Variants in DNAH14 observed in about 807,000 individuals in gnomAD.
The protein encoded by DNAH14 is dynein axonemal heavy chain 14.
Under a neutral mutation model 520.9 loss-of-function variants are expected in DNAH14, and 478 were observed. The ratio of observed to expected loss-of-function variants is 0.92; its 90% CI spans 0.85 to 0.99. The LOEUF (loss-of-function observed/expected upper bound fraction) is 0.99, where lower values mean the gene tolerates loss of function less well. DNAH14 is among the 50% of genes least tolerant of loss of function. The pLI is 0.00. For synonymous variants in DNAH14, 1,581 were observed against 1,757.2 expected, an observed-to-expected ratio of 0.90 and a Z score of 2.51; for missense variants, 4,831 against 5,234.5, an observed-to-expected ratio of 0.92 and a Z score of 2.38.
intron 61 of DNAH14, 86 bp downstream of exon 61, chr1:225,318,763 C>A: frequency 8.1e-7 from 1 of 1,241,700 alleles, no homozygotes; most frequent in Non-Finnish European, 1.1e-6. Context: ...CCATTTTTAG[C>A]CTATATACTA....
rs183952944 is a variant in DNAH14, at chr1:225,007,492, T to C, written c.1055T>C (p.Leu352Pro). 270 of 1,540,734 alleles carry C rather than the reference T, an allele frequency of 1.8e-4. 4 individuals carry two copies. The East Asian group carries it at 6.6e-3, about 38-fold the overall frequency. The change falls in exon 10 of 86, where the codon CTT becomes CCT. Residue 352 changes from leucine (L) to proline (P), a missense_variant. By Grantham distance (98) the Leu-to-Pro change is moderately conservative (BLOSUM62 -3). Coordinates refer to ENST00000682510, the MANE Select transcript of DNAH14 (RefSeq NM_001367479.1). The part of the protein sequence containing the change: ...LQQATQALKQ[L>P]EDIRNKAISE... ...CAAGCTACCCAGGCATTGAAACAAC[T>C]TGAGGACATCAGGAATAAAGCAATT...
intron 1 of DNAH14, among the ~76,000 whole-genome samples, chr1:224,946,082 C>T (rs1024961376): frequency 6.6e-6 from 1 of 152,188 alleles, no homozygotes; most frequent in African/African-American, 2.4e-5. Context: ...GCCCTGCCCC[C>T]AGAGGTGGAG....
At position 225,023,766 on chromosome 1, in the gene DNAH14, G is replaced by C. The variant is rs889773123; in HGVS notation, c.1259G>C (p.Arg420Pro). 6.4e-7 allele frequency: 1 copy of C among 1,550,660 alleles called. No individual in the cohort carries two copies. Among genetic ancestry groups the C allele is most frequent in the Non-Finnish European group, 8.7e-7 (1 of 1,146,466 alleles). Residue 420 changes from arginine (R) to proline (P), a missense_variant, in exon 11 of 86, where the codon CGT becomes CCT. By Grantham distance (103) the Arg-to-Pro change is moderately radical (BLOSUM62 -2). Transcript: ENST00000682510. ...GACTACATATTTCAGGAACTCATTC[G>C]TCAACTTATGAACACTGCAGTCACA... ...LVDYIFQELIRQLMNTAVTLL... is the reference protein window; with the variant it reads ...LVDYIFQELIPQLMNTAVTLL...
chr1:225,146,339 C>T (rs770466879), intron 30 of DNAH14, among the ~76,000 whole-genome samples: 2 of 152,206 alleles, frequency 1.3e-5, no homozygotes, highest in African/African-American at 2.4e-5. Flanking sequence ...TTACTCATTC[C>T]GATTCCCACT....
At position 225,155,051 on chromosome 1, in the gene DNAH14, A is replaced by T. The variant is rs779018662; in HGVS notation, c.5273+1225A>T. 2.0e-5 allele frequency among the ~76,000 whole-genome samples: 3 copies of T among 152,138 alleles called. No individual in the cohort carries two copies. The South Asian group carries it at 6.2e-4, about 32-fold the overall frequency. Reference sequence around the variant, plus strand: ...GAAAATACACTCAACCCCACACGTAATGAAAGAATGCAAATTAAAATGACA... The same window carrying T: ...GAAAATACACTCAACCCCACACGTATTGAAAGAATGCAAATTAAAATGACA... On this transcript the variant is annotated intron_variant, in intron 34 of 85. Coordinates refer to ENST00000682510, the MANE Select transcript of DNAH14 (RefSeq NM_001367479.1).
intron 17 of DNAH14, among the ~76,000 whole-genome samples, chr1:225,073,686 T>G (rs1368182661): frequency 1.3e-5 from 2 of 152,052 alleles, no homozygotes; most frequent in Non-Finnish European, 2.9e-5. Flanking sequence ...TGTTTGTTTT[T>G]GTTTTTGTTT....
chr1:225,292,552 T>A (rs1378304311), intron 55 of DNAH14, among the ~76,000 whole-genome samples: 4 of 152,200 alleles, frequency 2.6e-5, no homozygotes, highest in African/African-American at 9.7e-5. Flanking sequence ...AATTTTGTTC[T>A]TTTTGCTCAG....
At chr1:225,092,338 T>A (rs1464057289) in intron 21 of DNAH14, among the ~76,000 whole-genome samples, 1 of 151,938 alleles carries the variant, frequency 6.6e-6, no homozygotes, top group African/African-American at 2.4e-5. Flanking sequence ...CCACACTCAG[T>A]CCACAGTGCA....
chr1:224,976,229 A>G (rs1272852208), intron 8 of DNAH14, among the ~76,000 whole-genome samples: 1 of 152,148 alleles, frequency 6.6e-6, no homozygotes, highest in Non-Finnish European at 1.5e-5. Flanking sequence ...AGTTCTGTAG[A>G]TGTCTATTAG....
At chr1:224,972,276 T>A (rs1158809040) in intron 7 of DNAH14, among the ~76,000 whole-genome samples, 1 of 152,006 alleles carries the variant, frequency 6.6e-6, no homozygotes, top group Non-Finnish European at 1.5e-5. Context: ...AATATAGACT[T>A]ACTTAATTTT....
intron 72 of DNAH14, among the ~76,000 whole-genome samples, chr1:225,352,667 G>C (rs528711136): frequency 5.9e-5 from 9 of 151,870 alleles, no homozygotes; most frequent in African/African-American, 2.2e-4. Context: ...ACTCCCATTA[G>C]TGTTATAAAT....
chr1:225,010,717 T>A (rs755049524), intron 10 of DNAH14, among the ~76,000 whole-genome samples: 1 of 152,186 alleles, frequency 6.6e-6, no homozygotes, highest in Non-Finnish European at 1.5e-5. Context: ...TGTGATTCCA[T>A]CTGGTCCTGG....
At chr1:225,121,298 A>G (rs1416563848) in intron 26 of DNAH14, among the ~76,000 whole-genome samples, 2 of 152,160 alleles carry the variant, frequency 1.3e-5, no homozygotes, top group Non-Finnish European at 2.9e-5. Context: ...TGCGAAACAT[A>G]CATTATTATT....
intron 23 of DNAH14, among the ~76,000 whole-genome samples, chr1:225,103,797 C>T (rs1019399318): frequency 2.0e-5 from 3 of 152,184 alleles, no homozygotes; most frequent in South Asian, 2.1e-4. Flanking sequence ...TGGGCTGAGA[C>T]GATGGGGTTT....
intron 10 of DNAH14, among the ~76,000 whole-genome samples, chr1:225,009,635 C>A (rs551363332): frequency 9.9e-5 from 15 of 151,968 alleles, no homozygotes; most frequent in Admixed American, 9.2e-4. Context: ...TTTCTAATTA[C>A]GTGAAGAAAG....
intron 27 of DNAH14, among the ~76,000 whole-genome samples, chr1:225,129,626 T>C (rs1369616996): frequency 1.3e-5 from 2 of 152,074 alleles, no homozygotes; most frequent in African/African-American, 4.8e-5. Context: ...TGTAGAAAGC[T>C]GAAACTGGAT....
At chr1:225,173,048 C>G (rs1573711615) in intron 36 of DNAH14, among the ~76,000 whole-genome samples, 1 of 152,190 alleles carries the variant, frequency 6.6e-6, no homozygotes, top group East Asian at 1.9e-4. Flanking sequence ...GGAAAACTGG[C>G]TAGCCATATG....
chr1:225,354,184 C>A, intron 73 of DNAH14: 1 of 701,920 alleles, frequency 1.4e-6, no homozygotes, highest in Non-Finnish European at 2.6e-6. Context: ...AACATACTTT[C>A]TGCCTGCTTC....
Position 225,337,410 on chromosome 1 carries a change from A to G in DNAH14, c.10225A>G (p.Arg3409Gly). ...ATGGATCCGTCAGATGGAAGGATCC[A>G]GGCTGCAGAAGCTCTCCATTGAAGA... is the stretch of plus-strand genomic sequence containing the variant. Reference protein sequence around the residue: ...HKWIRQMEGSRLQKLSIEDSN... With the variant: ...HKWIRQMEGSGLQKLSIEDSN... Residue 3409 changes from arginine (R) to glycine (G), a missense_variant, in exon 67 of 86, where the codon AGG becomes GGG. Arg to Gly is a moderately radical substitution (Grantham distance 125). Coordinates refer to ENST00000682510, the MANE Select transcript of DNAH14 (RefSeq NM_001367479.1). 1 of 1,551,780 alleles carries G rather than the reference A, an allele frequency of 6.4e-7. No individual in the cohort carries two copies. Among genetic ancestry groups the G allele is most frequent in the Non-Finnish European group, 8.7e-7 (1 of 1,146,986 alleles).
Sources: allele counts gnomAD v4.1 joint callset (sites outside exome capture counted in the v4.1 genomes callset), GRCh38; gene constraint gnomAD v4.1.1; transcripts MANE v1.5; gene names NCBI Gene and HGNC (gene_info 2026-07-23, HGNC 2026-07-21).